Variants in EMCN observed in about 807,000 individuals in gnomAD.
EMCN encodes the protein endomucin, also known as MUC-14.
EMCN carries 37 observed loss-of-function variants against 38.4 expected under a neutral mutation model. The ratio of observed to expected loss-of-function variants is 0.96; its 90% CI spans 0.74 to 1.27. EMCN has a LOEUF of 1.27. Among genes scored for constraint, EMCN ranks in the 50% most tolerant of loss-of-function variants. The pLI is 0.00. For synonymous variants in EMCN, 95 were observed against 100.8 expected (o/e 0.94, Z 0.35); for missense variants, 318 against 302.8 (o/e 1.05, Z -0.37).
chr4:100,406,526 C>T (rs1041522991), intron 11 of EMCN, among the ~76,000 whole-genome samples: 13 of 151,962 alleles, frequency 8.6e-5, no homozygotes, highest in African/African-American at 2.9e-4. Context: ...ATTTAATATC[C>T]ACTTAGTTGT....
chr4:100,450,856 G>A (rs550642634), intron 4 of EMCN, among the ~76,000 whole-genome samples: 21 of 152,022 alleles, frequency 1.4e-4, no homozygotes, highest in Non-Finnish European at 2.7e-4. Context: ...TTTCTAAAGT[G>A]TTGGATAGCC....
chr4:100,400,260 C>A (rs1236179777), intron 11 of EMCN, among the ~76,000 whole-genome samples: 1 of 151,638 alleles, frequency 6.6e-6, no homozygotes, highest in Non-Finnish European at 1.5e-5. Flanking sequence ...TTTATGATTT[C>A]TTTCATATAC....
intron 4 of EMCN, among the ~76,000 whole-genome samples, chr4:100,453,068 A>G (rs1339378769): frequency 6.6e-6 from 1 of 152,202 alleles, no homozygotes; most frequent in Non-Finnish European, 1.5e-5. Context: ...CTAAAACCAT[A>G]AAAACCCTAG....
At chr4:100,494,555 G>A (rs1729163333) in intron 1 of EMCN, among the ~76,000 whole-genome samples, 1 of 151,026 alleles carries the variant, frequency 6.6e-6, no homozygotes, top group African/African-American at 2.4e-5. Flanking sequence ...GTAACCTGTT[G>A]TATAACATTG....
intron 4 of EMCN, among the ~76,000 whole-genome samples, chr4:100,456,335 C>G (rs949406177): frequency 1.4e-4 from 21 of 152,114 alleles, no homozygotes; most frequent in African/African-American, 5.1e-4. Flanking sequence ...AATTCCTACT[C>G]ATATTTTTAT....
intron 1 of EMCN, among the ~76,000 whole-genome samples, chr4:100,514,068 A>G (rs184321519): frequency 5.1e-4 from 77 of 152,198 alleles, no homozygotes; most frequent in African/African-American, 1.7e-3. Context: ...CAAGATTAAG[A>G]AATATTTGGA....
chr4:100,482,445 G>T (rs1231602496), intron 1 of EMCN, among the ~76,000 whole-genome samples: 1 of 152,110 alleles, frequency 6.6e-6, no homozygotes, highest in African/African-American at 2.4e-5. Flanking sequence ...AGACTACTCT[G>T]CTGGCATGAA....
chr4:100,509,995 T>C (rs1340064150), intron 1 of EMCN, among the ~76,000 whole-genome samples: 1 of 152,192 alleles, frequency 6.6e-6, no homozygotes, highest in Admixed American at 6.5e-5. Flanking sequence ...AATATGTATC[T>C]TTCTTCTCAT....
intron 3 of EMCN, among the ~76,000 whole-genome samples, chr4:100,473,399 C>CTTTTTTT (rs1728549262): frequency 4.4e-5 from 1 of 22,632 alleles, no homozygotes; most frequent in Non-Finnish European, 1.4e-4. Context: ...TTTTTTTTTG[C>CTTTTTTT]TAATGACATC....
chr4:100,419,240 C>T (rs561402648), intron 8 of EMCN, among the ~76,000 whole-genome samples: 45 of 152,108 alleles, frequency 3.0e-4, no homozygotes, highest in Non-Finnish European at 5.4e-4. Context: ...ATCTCTGATT[C>T]ATGTTGTCTT....
In EMCN at chr4:100,465,558, G is replaced by C; in HGVS notation, c.260-19C>G. 1 of 1,346,502 alleles carries C rather than the reference G, an allele frequency of 7.4e-7. No individual in the cohort carries two copies. The highest frequency in any genetic ancestry group is 1.0e-6 in the Non-Finnish European group (1 of 959,640). 83.4% of individuals were successfully genotyped at this position (1,346,502 alleles called of 1,614,324 possible). On this transcript the variant is annotated intron_variant, in intron 3 of 11. Transcript: ENST00000296420. ...TTCAATCCTATAAAAAGAATGAACA[G>C]TCATCAGGAGTATAACAAATCACCA...
At chr4:100,440,069 A>G (rs774819661) in intron 5 of EMCN, among the ~76,000 whole-genome samples, 1 of 147,336 alleles carries the variant, frequency 6.8e-6, no homozygotes, top group Non-Finnish European at 1.5e-5. Context: ...GGAATGTTCC[A>G]TGTGAACTAA....
intron 1 of EMCN, among the ~76,000 whole-genome samples, chr4:100,496,412 A>T (rs1729208631): frequency 6.6e-6 from 1 of 152,162 alleles, no homozygotes; most frequent in African/African-American, 2.4e-5. Flanking sequence ...CCTGTGGTTT[A>T]ATCTCCAGAA....
At chr4:100,448,130 G>A (rs1727730476) in intron 4 of EMCN, among the ~76,000 whole-genome samples, 1 of 152,060 alleles carries the variant, frequency 6.6e-6, no homozygotes. Flanking sequence ...AGTTCAGACA[G>A]ATACTTTTAA....
intron 1 of EMCN, among the ~76,000 whole-genome samples, chr4:100,497,062 T>A (rs1729225619): frequency 6.6e-6 from 1 of 151,858 alleles, no homozygotes; most frequent in African/African-American, 2.4e-5. Context: ...AAGCCCAAAT[T>A]TCAGTATTGC....
intron 3 of EMCN, among the ~76,000 whole-genome samples, chr4:100,466,415 A>G (rs1728317878): frequency 6.6e-6 from 1 of 152,222 alleles, no homozygotes; most frequent in Non-Finnish European, 1.5e-5. Flanking sequence ...CTATGTCAAC[A>G]AGCATCTACT....
intron 5 of EMCN, among the ~76,000 whole-genome samples, chr4:100,446,448 G>C (rs1352672516): frequency 6.6e-6 from 1 of 151,986 alleles, no homozygotes; most frequent in Non-Finnish European, 1.5e-5. Context: ...GTTAGACTAA[G>C]GTGATTACTT....
chr4:100,400,552 A>G (rs1033897910), intron 11 of EMCN, among the ~76,000 whole-genome samples: 3 of 152,232 alleles, frequency 2.0e-5, no homozygotes, highest in African/African-American at 7.2e-5. Context: ...GAGAACTGCA[A>G]CCATGACAAG....
At chr4:100,485,556 A>G (rs1388274139) in intron 1 of EMCN, among the ~76,000 whole-genome samples, 1 of 151,782 alleles carries the variant, frequency 6.6e-6, no homozygotes, top group African/African-American at 2.4e-5. Context: ...CTGTAAGTTG[A>G]AAATTTCTGT....
Sources: gnomAD v4.1 joint callset for allele counts (sites outside exome capture counted in the v4.1 genomes callset) on GRCh38, gnomAD v4.1.1 for gene constraint, MANE v1.5 for transcripts, NCBI Gene and HGNC (gene_info 2026-07-23, HGNC 2026-07-21) for gene names.